BMP4: variants seen among roughly 807,000 people sequenced by gnomAD.
The protein encoded by BMP4 is bone morphogenetic protein 4, also known as bone morphogenetic protein 2B.
BMP4 carries 3 observed loss-of-function variants against 29.6 expected under a neutral mutation model. That is an observed-to-expected ratio of 0.10 (90% CI 0.05 to 0.26). The LOEUF (loss-of-function observed/expected upper bound fraction) is 0.26. Ranked by LOEUF, BMP4 falls within the 10% of genes least tolerant of loss-of-function variation. The probability of loss-of-function intolerance (pLI) is 1.00; values close to 1 mark genes in which losing one functional copy is unlikely to be tolerated. For synonymous variants in BMP4, 197 were observed against 213.2 expected (o/e 0.92, Z 0.66); for missense variants, 455 against 550.2 (o/e 0.83, Z 1.73).
At chr14:53,953,986 T>C (rs2140242440) in intron 1 of BMP4, among the ~76,000 whole-genome samples, 1 of 150,364 alleles carries the variant, frequency 6.7e-6, no homozygotes, top group South Asian at 2.1e-4. Context: ...CCCCAGGGTC[T>C]CCTCAAGGCC....
intron 1 of BMP4, 108 bp from the exon 2 acceptor site, chr14:53,953,508 C>T (rs1180727088): frequency 1.0e-5 from 4 of 394,736 alleles, no homozygotes; most frequent in South Asian, 1.3e-4. Flanking sequence ...CGGCAGGCGG[C>T]GAAAGGGCTT....
At position 53,954,898 on chromosome 14, in the gene BMP4, C is replaced by T. The variant is rs1412207758; in HGVS notation, c.-132-1498G>A. The stretch of plus-strand genomic sequence containing the variant: ...CTCGGGTTGCCTGCCGCCCCACTCT[C>T]CACGCACATACTTGGTTTTCTTCTT... On this transcript the variant is annotated intron_variant, in intron 1 of 3. Coordinates refer to ENST00000245451, the MANE Select transcript of BMP4 (RefSeq NM_001202.6). The surrounding 1 kb of genome is among the most constrained non-coding windows in gnomAD (Gnocchi z 4.8). 6.6e-6 allele frequency among the ~76,000 whole-genome samples: 1 copy of T among 152,200 alleles called. No individual in the cohort carries two copies. Among genetic ancestry groups the T allele is most frequent in the Non-Finnish European group, 1.5e-5 (1 of 68,028 alleles).
At position 53,954,027 on chromosome 14, in the gene BMP4, C is replaced by T. The variant is rs1432851728; in HGVS notation, c.-132-627G>A. 1.3e-5 allele frequency among the ~76,000 whole-genome samples: 2 copies of T among 152,084 alleles called. No homozygotes were observed. Among genetic ancestry groups the T allele is most frequent in the Non-Finnish European group, 2.9e-5 (2 of 68,010 alleles). On this transcript the variant is annotated intron_variant, in intron 1 of 3. Coordinates refer to ENST00000245451, the MANE Select transcript of BMP4 (RefSeq NM_001202.6). This position sits in a 1 kb window ranked among gnomAD's most constrained non-coding sequence, Gnocchi z 4.8. ...TTGCTCCCAATGACAGCCAGTCACC[C>T]CTTGGCGAACGCCTGCTAAGGCTCC...
Position 53,950,451 on chromosome 14 carries a change from G to C in BMP4, c.808C>G (p.Pro270Ala). The change falls in exon 4 of 4, where the codon CCC becomes GCC. Residue 270 changes from proline (P) to alanine (A), a missense_variant. By Grantham distance (27) the Pro-to-Ala change is conservative. Transcript: ENST00000245451. This position sits in a 1 kb window ranked among gnomAD's most constrained non-coding sequence, Gnocchi z 5.4. Reference protein sequence around the residue: ...QGSGNWAQLRPLLVTFGHDGR... With the variant: ...QGSGNWAQLRALLVTFGHDGR... ...TCATGGCCAAAGGTGACCAGGAGGG[G>C]CCGGAGCTGGGCCCAATTCCCACTC... The C allele has an allele frequency of 6.2e-7, 1 of 1,613,880 alleles. No homozygotes were observed. The highest frequency in any genetic ancestry group is 8.5e-7 in the Non-Finnish European group (1 of 1,180,048).
chr14:53,950,088 TATC>T lies in BMP4; in HGVS notation c.1168_1170del (p.Asp390del), dbSNP rs1566578347. ...TCCTGATAATTTTTCAGTACCACCT[TATC>T]ATACTCATCCAGGTACAGCATGGAG... is the stretch of plus-strand genomic sequence containing the variant. On this transcript the variant is annotated inframe_deletion, in exon 4 of 4. Coordinates refer to ENST00000245451, the MANE Select transcript of BMP4 (RefSeq NM_001202.6). This position sits in a 1 kb window ranked among gnomAD's most constrained non-coding sequence, Gnocchi z 5.4. The T allele has an allele frequency of 3.7e-6, 6 of 1,614,156 alleles. No individual in the cohort carries two copies. The highest frequency in any genetic ancestry group is 5.1e-6 in the Non-Finnish European group (6 of 1,180,030).
At chr14:53,953,197 C>G (rs1895539373) in intron 2 of BMP4, 79 bp downstream of exon 2, 1 of 392,578 alleles carries the variant, frequency 2.5e-6, no homozygotes, top group African/African-American at 2.1e-5. Flanking sequence ...GGAGGTCCGA[C>G]GGAAGGGACA....
rs1357578048 is a variant in BMP4 at position 53,953,266 on chromosome 14, G to A, written c.-8+10C>T. On this transcript the variant is annotated intron_variant, in intron 2 of 3. Coordinates refer to ENST00000245451, the MANE Select transcript of BMP4 (RefSeq NM_001202.6). ...TTCCGGGGAGGGGGAAGGAAGAGGT[G>A]TCTACTCACTGACAGAAAACAAGGC... 7.5e-6 allele frequency: 3 copies of A among 398,544 alleles called. No individual in the cohort carries two copies. Among genetic ancestry groups the A allele is most frequent in the African/African-American group, 6.2e-5 (3 of 48,620 alleles). 24.7% of individuals were successfully genotyped at this position (398,544 alleles called of 1,614,324 possible).
In BMP4 at chr14:53,952,133, C is replaced by G. The variant is rs773605577; in HGVS notation, c.90G>C (p.Thr30=). ...GASHASLIPE[T]GKKKVAEIQG... Reference sequence around the variant, plus strand: ...GAATCTCGGCGACTTTTTTCTTCCCCGTCTCAGGTATCAAACTAGCATGGC... The same window carrying G: ...GAATCTCGGCGACTTTTTTCTTCCCGGTCTCAGGTATCAAACTAGCATGGC... Residue 30 remains threonine (T), a synonymous_variant, in exon 3 of 4, where the codon ACG becomes ACC. Coordinates refer to ENST00000245451, the MANE Select transcript of BMP4 (RefSeq NM_001202.6). 3.1e-6 allele frequency: 5 copies of G among 1,613,650 alleles called. No homozygotes were observed. Among genetic ancestry groups the G allele is most frequent in the African/African-American group, 2.7e-5 (2 of 74,904 alleles).
rs189555597 is a variant in BMP4, at chr14:53,955,501, T to C, written c.-133+1049A>G. On this transcript the variant is annotated intron_variant, in intron 1 of 3. Transcript: ENST00000245451. This position sits in a 1 kb window ranked among gnomAD's most constrained non-coding sequence, Gnocchi z 4.0. The stretch of plus-strand genomic sequence containing the variant: ...AGAGCTTTTTATTGGGGGAAAGGAA[T>C]GTAACTCGGGGTGGTTGTCCTTCAC... The C allele has an allele frequency of 7.2e-5, 11 of 152,376 alleles. No individual in the cohort carries two copies. Among genetic ancestry groups the C allele is most frequent in the African/African-American group, 2.6e-4 (11 of 41,596 alleles). The allele number at this position is 152,376 out of a possible 1,614,324, so 9.4% of individuals were successfully genotyped here.
In BMP4 at chr14:53,949,879, T is replaced by A. The variant is rs1895275260; in HGVS notation, c.*153A>T. 1 of 800,376 alleles carries A rather than the reference T, an allele frequency of 1.2e-6. No homozygotes were observed. Among genetic ancestry groups the A allele is most frequent in the African/African-American group, 2.0e-5 (1 of 49,902 alleles). The allele number at this position is 800,376 out of a possible 1,614,324, so 49.6% of individuals were successfully genotyped here. A position where few individuals can be genotyped will look rare whatever the true frequency, so the allele number is the denominator to read the frequency against. On this transcript the variant is annotated 3_prime_UTR_variant, in exon 4 of 4. Transcript: ENST00000245451. ...GGTCAAGGTGAATGTTTAGGGATTT[T>A]TTCCTTTTTTTTTTTTTTTTTTAAA...
rs764238407 is a variant in BMP4 at position 53,950,443 on chromosome 14, C to T, written c.816G>A (p.Leu272=). 1 of 1,613,930 alleles carries T rather than the reference C, an allele frequency of 6.2e-7. No homozygotes were observed. Among genetic ancestry groups the T allele is most frequent in the Admixed American group, 1.7e-5 (1 of 60,030 alleles). Residue 272 remains leucine (L), a synonymous_variant, in exon 4 of 4, where the codon CTG becomes CTA. Transcript: ENST00000245451. This position sits in a 1 kb window ranked among gnomAD's most constrained non-coding sequence, Gnocchi z 5.4. Reference sequence around the variant, plus strand: ...CCCGGCCATCATGGCCAAAGGTGACCAGGAGGGGCCGGAGCTGGGCCCAAT... The same window carrying T: ...CCCGGCCATCATGGCCAAAGGTGACTAGGAGGGGCCGGAGCTGGGCCCAAT... ...SGNWAQLRPL[L]VTFGHDGRGH... is the part of the protein sequence containing the mutation.
rs1895333318 is a variant in BMP4, at chr14:53,950,512, G to A, written c.747C>T (p.Gly249=). 8 of 1,614,178 alleles carry A rather than the reference G, an allele frequency of 5.0e-6. No homozygotes were observed. Among genetic ancestry groups the A allele is most frequent in the Non-Finnish European group, 6.8e-6 (8 of 1,180,034 alleles). Residue 249 remains glycine (G), a synonymous_variant, in exon 4 of 4, where the codon GGC becomes GGT. Transcript: ENST00000245451. The surrounding 1 kb of genome is among the most constrained non-coding windows in gnomAD (Gnocchi z 5.4). ...ACGATCGGCTAATCCTGACATGCTG[G>A]CCCTGGTGGGTCCGAGTCTGATGGA... is the stretch of plus-strand genomic sequence containing the variant. ...THLHQTRTHQ[G]QHVRISRSLP...
intron 3 of BMP4, 35 bp downstream of exon 3, chr14:53,951,817 AG>A: frequency 6.3e-7 from 1 of 1,596,496 alleles, no homozygotes; most frequent in Non-Finnish European, 8.5e-7. Context: ...CAGTCCCACC[AG>A]CCCTCCCCCA....
In BMP4 at chr14:53,953,257, G is replaced by T; in HGVS notation, c.-8+19C>A. 2.5e-6 allele frequency: 1 copy of T among 398,186 alleles called. No homozygotes were observed. The allele number at this position is 398,186 out of a possible 1,614,324, so 24.7% of individuals were successfully genotyped here. A position where few individuals can be genotyped will look rare whatever the true frequency, so the allele number is the denominator to read the frequency against. ...CAGAGTGAATTCCGGGGAGGGGGAA[G>T]GAAGAGGTGTCTACTCACTGACAGA... is the stretch of plus-strand genomic sequence containing the variant. On this transcript the variant is annotated intron_variant, in intron 2 of 3. Transcript: ENST00000245451.
rs1019466554 is a variant in BMP4, at chr14:53,952,239, G to A, written c.-7-10C>T. ...AGGAATCATGGTGTCTCTGGGGAGGGGGAGGGGAGTGGAAGGTTAAAGAAT... is the reference window on the plus strand; with the variant it reads ...AGGAATCATGGTGTCTCTGGGGAGGAGGAGGGGAGTGGAAGGTTAAAGAAT... On this transcript the variant is annotated splice_polypyrimidine_tract_variant and intron_variant, in intron 2 of 3. Transcript: ENST00000245451. 4 of 1,613,594 alleles carry A rather than the reference G, an allele frequency of 2.5e-6. No individual in the cohort carries two copies. Among genetic ancestry groups the A allele is most frequent in the Non-Finnish European group, 3.4e-6 (4 of 1,179,766 alleles).
rs1895378447 is a variant in BMP4 at position 53,951,008 on chromosome 14, A to C, written c.371-120T>G. 7 of 1,380,550 alleles carry C rather than the reference A, an allele frequency of 5.1e-6. No individual in the cohort carries two copies. In the Admixed American group the frequency reaches 1.2e-4, roughly 23 times the overall value. 85.5% of individuals were successfully genotyped at this position (1,380,550 alleles called of 1,614,324 possible). ...ATGGTGAATTCTGCTTATGCAGGGG[A>C]AACCTACTGGGGGAAAATAAGCATA... is the stretch of plus-strand genomic sequence containing the variant. On this transcript the variant is annotated intron_variant, in intron 3 of 3. Coordinates refer to ENST00000245451, the MANE Select transcript of BMP4 (RefSeq NM_001202.6).
In BMP4 at chr14:53,955,754, C is replaced by A. The variant is rs1330646148; in HGVS notation, c.-133+796G>T. On this transcript the variant is annotated intron_variant, in intron 1 of 3. Transcript: ENST00000245451. The surrounding 1 kb of genome is among the most constrained non-coding windows in gnomAD (Gnocchi z 4.0). ...CGGGAATCACGGGAACCTTTCCCGTCGGTTCCGGGCCTGGAGGGCCAGGAA... is the reference window on the plus strand; with the variant it reads ...CGGGAATCACGGGAACCTTTCCCGTAGGTTCCGGGCCTGGAGGGCCAGGAA... 1.3e-5 allele frequency: 2 copies of A among 152,204 alleles called. No homozygotes were observed. The highest frequency in any genetic ancestry group is 4.8e-5 in the African/African-American group (2 of 41,432). The allele number at this position is 152,204 out of a possible 1,614,324, so 9.4% of individuals were successfully genotyped here. A position where few individuals can be genotyped will look rare whatever the true frequency, so the allele number is the denominator to read the frequency against.
Position 53,950,174 on chromosome 14 carries a change from T to C in BMP4, c.1085A>G (p.Asn362Ser), listed in dbSNP as rs546306238. 1.2e-5 allele frequency: 20 copies of C among 1,614,216 alleles called. No individual in the cohort carries two copies. Among genetic ancestry groups the C allele is most frequent in the African/African-American group, 6.7e-5 (5 of 75,048 alleles). ...TNHAIVQTLVNSVNSSIPKAC... is the reference protein window; with the variant it reads ...TNHAIVQTLVSSVNSSIPKAC... ...TTTGGGGATACTGGAATTGACAGAA[T>C]TGACCAGGGTCTGCACAATGGCATG... Residue 362 changes from asparagine (N) to serine (S), a missense_variant, in exon 4 of 4, where the codon AAT (asparagine) becomes AGT (serine). By Grantham distance (46) the Asn-to-Ser change is conservative. This residue lies in a region of BMP4 where 48 missense variants were observed against 90.4 expected (regional missense o/e 0.53). Transcript: ENST00000245451. The surrounding 1 kb of genome is among the most constrained non-coding windows in gnomAD (Gnocchi z 5.4).
chr14:53,951,811 C>T lies in BMP4; in HGVS notation c.370+42G>A, dbSNP rs376124404. ...GGCTTTCACTGCCCCTCTAGCCAGT[C>T]CCACCAGCCCTCCCCCACGCAGACT... On this transcript the variant is annotated intron_variant, in intron 3 of 3. Transcript: ENST00000245451. The T allele has an allele frequency of 8.1e-5, 129 of 1,594,772 alleles. No individual in the cohort carries two copies. In the East Asian group the frequency reaches 1.0e-3, roughly 12 times the overall value.
Sources: allele counts gnomAD v4.1 joint callset (sites outside exome capture counted in the v4.1 genomes callset), GRCh38; gene constraint gnomAD v4.1.1; regional missense constraint gnomAD v4.1.1; non-coding constraint Gnocchi (gnomAD v3.1); transcripts MANE v1.5; gene names NCBI Gene and HGNC (gene_info 2026-07-23, HGNC 2026-07-21).